Variants in DMD observed in about 807,000 individuals in gnomAD.
DMD encodes mutant dystrophin.
In DMD, 63 loss-of-function variants were observed where a neutral mutation model predicts 330.1. The observed-to-expected ratio is 0.19, with a 90% CI of 0.16 to 0.24. The LOEUF is 0.24. Ranked by LOEUF, DMD falls within the 10% of genes least tolerant of loss-of-function variation. The pLI is 1.00. For missense variants in DMD, 3,344 were observed against 2,684.1 expected (o/e 1.25, Z -5.43); for synonymous variants, 1,223 against 959.8 (o/e 1.27, Z -5.07).
At chrX:32,097,929 G>C (rs752551033) in intron 44 of DMD, among the ~76,000 whole-genome samples, 1 of 111,275 alleles carries the variant, frequency 9.0e-6, no homozygotes, top group South Asian at 3.7e-4. Context: ...CAATATGAAA[G>C]TCAGTCTAGA....
intron 43 of DMD, among the ~76,000 whole-genome samples, chrX:32,281,826 CT>C (rs771954455): frequency 5.4e-5 from 6 of 111,063 alleles, no homozygotes; most frequent in African/African-American, 1.6e-4. Context: ...TTAGAGGTTT[CT>C]TTTTTTGCTA....
chrX:32,252,754 A>C (rs1394028263), intron 43 of DMD, among the ~76,000 whole-genome samples: 1 of 42,353 alleles, frequency 2.4e-5, no homozygotes, highest in Non-Finnish European at 3.5e-5. Context: ...AAATATATAT[A>C]AATATATAAA....
chrX:31,755,826 C>T (rs1307927247), intron 51 of DMD, among the ~76,000 whole-genome samples: 1 of 111,779 alleles, frequency 8.9e-6, no homozygotes, highest in African/African-American at 3.2e-5. Flanking sequence ...CATACTATTA[C>T]TATCATATGA....
At chrX:33,098,744 C>T (rs1020320945) in intron 1 of DMD, among the ~76,000 whole-genome samples, 13 of 111,641 alleles carry the variant, frequency 1.2e-4, no homozygotes, top group African/African-American at 2.6e-4. Context: ...AGTTTTGCCA[C>T]GAGAGTACAC....
chrX:32,126,926 T>A (rs766977210), intron 44 of DMD, among the ~76,000 whole-genome samples: 1 of 112,447 alleles, frequency 8.9e-6, no homozygotes, highest in South Asian at 3.6e-4. Context: ...GCTATCTAAT[T>A]AATAAGGCCA....
chrX:32,159,439 A>G (rs1167019257), intron 44 of DMD, among the ~76,000 whole-genome samples: 1 of 112,420 alleles, frequency 8.9e-6, no homozygotes, highest in Admixed American at 9.5e-5. Context: ...ACTTAGTTTA[A>G]CAACAAGTCC....
chrX:31,807,429 T>C (rs1426764520), intron 50 of DMD, among the ~76,000 whole-genome samples: 1 of 111,397 alleles, frequency 9.0e-6, no homozygotes, highest in Non-Finnish European at 1.9e-5. Context: ...TGACCTTGAA[T>C]TGACAGTTAC....
chrX:32,724,762 A>G (rs1317760331), intron 7 of DMD, among the ~76,000 whole-genome samples: 1 of 112,172 alleles, frequency 8.9e-6, no homozygotes, highest in East Asian at 2.8e-4. Context: ...AACTAAAAAT[A>G]CTAACCTGTT....
intron 7 of DMD, among the ~76,000 whole-genome samples, chrX:32,721,563 C>G (rs912041157): frequency 5.4e-5 from 6 of 110,596 alleles, no homozygotes; most frequent in African/African-American, 1.6e-4. Flanking sequence ...TAGTTTGTCA[C>G]TATGGAATTG....
rs943420239 is a variant in DMD, at chrX:31,338,958, A to C, written c.9163+9598T>G. ...CATCTATGCACAAAAAAAAAAAAAA[A>C]AAAAAAACAAAGTGCCCCAATTTGT... is the stretch of plus-strand genomic sequence containing the variant. On this transcript the variant is annotated intron_variant, in intron 61 of 78. Transcript: ENST00000357033. Among the ~76,000 whole-genome samples the C allele has an allele frequency of 3.2e-3, 352 of 109,536 alleles. 2 individuals carry two copies. The highest frequency in any genetic ancestry group is 0.011 in the African/African-American group (335 of 30,139).
intron 1 of DMD, among the ~76,000 whole-genome samples, chrX:33,083,395 T>C (rs1569553320): frequency 8.9e-6 from 1 of 111,840 alleles, no homozygotes; most frequent in African/African-American, 3.3e-5. Flanking sequence ...AAGCTCAAAA[T>C]TTTTCATCTT....
chrX:31,253,777 T>C (rs1174984134), intron 63 of DMD, among the ~76,000 whole-genome samples: 5 of 112,150 alleles, frequency 4.5e-5, no homozygotes, highest in African/African-American at 6.5e-5. Flanking sequence ...ACCCTCATTT[T>C]AACATTCTGA....
At position 32,664,465 on chromosome X, in the gene DMD, T is replaced by C. The variant is rs766075759; in HGVS notation, c.961-19313A>G. 2.3e-3 allele frequency among the ~76,000 whole-genome samples: 250 copies of C among 109,889 alleles called. 3 individuals carry two copies. The highest frequency in any genetic ancestry group is 7.9e-3 in the African/African-American group (238 of 30,088). The stretch of plus-strand genomic sequence containing the variant: ...ACCGTGTTAGCCAGGATGGTCTCGA[T>C]CTCCTGACCTCGTGATCCGCCCGCC... On this transcript the variant is annotated intron_variant, in intron 9 of 78. Coordinates refer to ENST00000357033, the MANE Select transcript of DMD (RefSeq NM_004006.3).
At chrX:33,246,919 C>A in intron 1 of DMD, among the ~76,000 whole-genome samples, 1 of 110,833 alleles carries the variant, frequency 9.0e-6, no homozygotes, top group Non-Finnish European at 1.9e-5. Context: ...CTCCTGACCT[C>A]ATGATCTGCC....
At chrX:32,777,684 A>G (rs924284863) in intron 7 of DMD, among the ~76,000 whole-genome samples, 7 of 112,188 alleles carry the variant, frequency 6.2e-5, no homozygotes, top group African/African-American at 2.3e-4. Context: ...GTATTTAGAC[A>G]TGTAAATTTA....
chrX:31,585,409 C>T (rs1341796640), intron 55 of DMD, among the ~76,000 whole-genome samples: 3 of 108,324 alleles, frequency 2.8e-5, no homozygotes, highest in Admixed American at 9.9e-5. Flanking sequence ...CCCGACTTGC[C>T]GAACCAGTCT....
chrX:31,591,806 T>G (rs1367900482), intron 55 of DMD, among the ~76,000 whole-genome samples: 3 of 111,311 alleles, frequency 2.7e-5, no homozygotes, highest in Non-Finnish European at 3.8e-5. Context: ...GATTTTTTTC[T>G]GAAGTTAAGA....
intron 44 of DMD, among the ~76,000 whole-genome samples, chrX:31,998,022 T>C (rs2095600884): frequency 9.0e-6 from 1 of 111,464 alleles, no homozygotes; most frequent in South Asian, 3.7e-4. Flanking sequence ...CATGGCTGGG[T>C]CTGAAGTGAG....
intron 44 of DMD, among the ~76,000 whole-genome samples, chrX:32,145,963 A>T (rs1342466824): frequency 1.8e-5 from 2 of 112,222 alleles, no homozygotes; most frequent in Non-Finnish European, 3.8e-5. Flanking sequence ...ATTAAATTTA[A>T]CCTGTAAAAT....
Sources: gnomAD v4.1 joint callset for allele counts (sites outside exome capture counted in the v4.1 genomes callset) on GRCh38, gnomAD v4.1.1 for gene constraint, MANE v1.5 for transcripts, NCBI Gene and HGNC (gene_info 2026-07-23, HGNC 2026-07-21) for gene names.